ZFAND4: variants seen among roughly 807,000 people sequenced by gnomAD.
The protein encoded by ZFAND4 is zinc finger AN1-type containing 4.
ZFAND4 carries 43 observed loss-of-function variants against 64.4 expected under a neutral mutation model. The observed-to-expected ratio is 0.67, with a 90% CI of 0.52 to 0.86. The LOEUF (loss-of-function observed/expected upper bound fraction) is 0.86. ZFAND4 is among the 40% of genes least tolerant of loss of function. ZFAND4 has a pLI of 0.00. For missense variants in ZFAND4, 929 were observed against 859.8 expected, an observed-to-expected ratio of 1.08 and a Z score of -1.01; for synonymous variants, 296 against 305.7, an observed-to-expected ratio of 0.97 and a Z score of 0.33.
intron 9 of ZFAND4, 127 bp downstream of exon 9, chr10:45,618,013 G>A: frequency 1.0e-6 from 1 of 983,856 alleles, no homozygotes. Flanking sequence ...AAGTTCAACT[G>A]AAGATAGCTA....
At chr10:45,623,290 G>A (rs2045564097) in intron 8 of ZFAND4, among the ~76,000 whole-genome samples, 1 of 152,168 alleles carries the variant, frequency 6.6e-6, no homozygotes, top group South Asian at 2.1e-4. Flanking sequence ...AGAATTGAAA[G>A]TAGTGTCTCA....
chr10:45,666,568 T>C (rs1271946098), intron 1 of ZFAND4, among the ~76,000 whole-genome samples: 3 of 152,216 alleles, frequency 2.0e-5, no homozygotes, highest in Non-Finnish European at 4.4e-5. Flanking sequence ...TATTTTTCTT[T>C]TATCATACTT....
intron 1 of ZFAND4, among the ~76,000 whole-genome samples, chr10:45,664,851 A>C (rs1346476769): frequency 2.0e-5 from 3 of 152,004 alleles, no homozygotes; most frequent in African/African-American, 7.2e-5. Flanking sequence ...GAATGGCGTG[A>C]ACCCGGGAGG....
At chr10:45,627,801 C>T (rs541146411) in intron 6 of ZFAND4, among the ~76,000 whole-genome samples, 3 of 152,294 alleles carry the variant, frequency 2.0e-5, no homozygotes, top group South Asian at 4.1e-4. Context: ...CAACATTTCA[C>T]ATATATTGTT....
At chr10:45,644,778 C>G (rs1329647512) in intron 5 of ZFAND4, among the ~76,000 whole-genome samples, 1 of 152,042 alleles carries the variant, frequency 6.6e-6, no homozygotes, top group Non-Finnish European at 1.5e-5. Flanking sequence ...GGCGTCAATA[C>G]CAAGTTTGAA....
chr10:45,647,309 A>ATT (rs1272470818), intron 5 of ZFAND4, among the ~76,000 whole-genome samples: 1 of 152,124 alleles, frequency 6.6e-6, no homozygotes, highest in Non-Finnish European at 1.5e-5. Context: ...CTCCCCAGTC[A>ATT]AGCCTCTTGA....
intron 5 of ZFAND4, among the ~76,000 whole-genome samples, chr10:45,647,005 G>A (rs990403312): frequency 2.6e-5 from 4 of 152,166 alleles, no homozygotes; most frequent in Non-Finnish European, 4.4e-5. Flanking sequence ...ACACTCTGTG[G>A]AGGGGCAGAA....
Position 45,641,818 on chromosome 10 carries a change from T to C in ZFAND4, c.570-1855A>G, listed in dbSNP as rs578209102. On this transcript the variant is annotated intron_variant, in intron 5 of 9. Coordinates refer to ENST00000344646, the MANE Select transcript of ZFAND4 (RefSeq NM_174890.4). Reference sequence around the variant, plus strand: ...TAGATATTATAGCTGATTTTATTAATGAAGAAACTGCAGGTGAGAGAGGTT... The same window carrying C: ...TAGATATTATAGCTGATTTTATTAACGAAGAAACTGCAGGTGAGAGAGGTT... Among the ~76,000 whole-genome samples, 5 of 152,358 alleles carry C rather than the reference T, an allele frequency of 3.3e-5. No homozygotes were observed. The South Asian group carries it at 1.0e-3, about 32-fold the overall frequency.
chr10:45,646,176 C>T (rs899891925), intron 5 of ZFAND4, among the ~76,000 whole-genome samples: 1 of 152,084 alleles, frequency 6.6e-6, no homozygotes, highest in African/African-American at 2.4e-5. Flanking sequence ...AAGAAAAGTA[C>T]CCAATTGTTA....
chr10:45,663,514 T>C (rs987660312), intron 2 of ZFAND4, 28 bp downstream of exon 2: 3 of 1,532,092 alleles, frequency 2.0e-6, no homozygotes, highest in Admixed American at 4.5e-5. Flanking sequence ...TTAATTTTCA[T>C]ATCCTAAAAA....
intron 1 of ZFAND4, among the ~76,000 whole-genome samples, chr10:45,665,111 T>C (rs1333719406): frequency 6.6e-6 from 1 of 152,130 alleles, no homozygotes; most frequent in Non-Finnish European, 1.5e-5. Context: ...ATGACAAGTA[T>C]AGAACTAGGA....
intron 5 of ZFAND4, among the ~76,000 whole-genome samples, chr10:45,645,943 C>T (rs1208386419): frequency 2.0e-5 from 3 of 151,968 alleles, no homozygotes; most frequent in African/African-American, 4.8e-5. Context: ...AAAGCATGTG[C>T]TCATGGACTG....
chr10:45,663,439 T>G, intron 2 of ZFAND4, 103 bp downstream of exon 2: 1 of 848,196 alleles, frequency 1.2e-6, no homozygotes, highest in Non-Finnish European at 1.8e-6. Context: ...TCTAACATCA[T>G]ATATGTTTGA....
intron 8 of ZFAND4, among the ~76,000 whole-genome samples, chr10:45,622,557 T>C (rs1046491270): frequency 6.6e-6 from 1 of 152,256 alleles, no homozygotes; most frequent in African/African-American, 2.4e-5. Context: ...TTTCCAGTGA[T>C]GCCACTGAGA....
chr10:45,653,514 T>C (rs2047898422), intron 2 of ZFAND4, among the ~76,000 whole-genome samples: 1 of 152,126 alleles, frequency 6.6e-6, no homozygotes, highest in African/African-American at 2.4e-5. Context: ...AGGACATGCA[T>C]GAACAGACAC....
intron 8 of ZFAND4, among the ~76,000 whole-genome samples, chr10:45,622,258 T>C (rs2045484596): frequency 6.6e-6 from 1 of 152,194 alleles, no homozygotes; most frequent in African/African-American, 2.4e-5. Context: ...AAGGACAGTG[T>C]TTCAACAAAA....
intron 4 of ZFAND4, chr10:45,648,818 A>AT (rs138176859): frequency 0.037 from 21,789 of 590,290 alleles, 666 homozygotes; most frequent in African/African-American, 0.12. Context: ...TATAGTCTAT[A>AT]TTTTTTCCCT....
intron 5 of ZFAND4, among the ~76,000 whole-genome samples, chr10:45,642,357 C>T (rs188050623): frequency 3.2e-4 from 48 of 152,112 alleles, no homozygotes; most frequent in Admixed American, 1.1e-3. Flanking sequence ...CCTGTAATCC[C>T]AGCACTTTGG....
At chr10:45,619,864 A>G (rs1238933451) in intron 8 of ZFAND4, among the ~76,000 whole-genome samples, 1 of 152,204 alleles carries the variant, frequency 6.6e-6, no homozygotes, top group African/African-American at 2.4e-5. Flanking sequence ...CAACTCAGTT[A>G]ATAAACGTTT....
Sources: gnomAD v4.1 joint callset for allele counts (sites outside exome capture counted in the v4.1 genomes callset) on GRCh38, gnomAD v4.1.1 for gene constraint, MANE v1.5 for transcripts, NCBI Gene and HGNC (gene_info 2026-07-23, HGNC 2026-07-21) for gene names.